BCL2L1: variants seen among roughly 807,000 people sequenced by gnomAD.
BCL2L1 encodes BCL2 like 1.
BCL2L1 carries 1 observed loss-of-function variant against 18.7 expected under a neutral mutation model. The observed-to-expected ratio is 0.05, with a 90% confidence interval of 0.02 to 0.25. The LOEUF is 0.25. Ranked by LOEUF, BCL2L1 falls within the 10% of genes least tolerant of loss-of-function variation. The pLI, the probability that BCL2L1 is intolerant of heterozygous loss-of-function variation, is 1.00. For missense variants in BCL2L1, 207 were observed against 304.9 expected (o/e 0.68, Z 2.39); for synonymous variants, 103 against 122.7 (o/e 0.84, Z 1.06).
intron 2 of BCL2L1, among the ~76,000 whole-genome samples, chr20:31,667,456 A>C (rs952353290): frequency 1.5e-5 from 2 of 130,954 alleles, no homozygotes; most frequent in African/African-American, 5.8e-5. Flanking sequence ...GACTCCGTTC[A>C]AAAAAAAAAA....
chr20:31,707,514 C>T lies in BCL2L1; in HGVS notation c.564+14141G>A, dbSNP rs371924155. On this transcript the variant is annotated intron_variant, in intron 2 of 2. Transcript: ENST00000307677. ...GCGCTGTAGGCCGGGCATGGTGGCT[C>T]ACACCTGTAATCCTAGCAGTTTGGG... Among the ~76,000 whole-genome samples, 382 of 152,254 alleles carry T rather than the reference C, an allele frequency of 2.5e-3. 2 individuals carry two copies. Among genetic ancestry groups the T allele is most frequent in the African/African-American group, 8.5e-3 (353 of 41,540 alleles).
chr20:31,720,433 C>T, intron 2 of BCL2L1: 1 of 677,392 alleles, frequency 1.5e-6, no homozygotes, highest in Non-Finnish European at 1.8e-6. Flanking sequence ...GGGGATAGAA[C>T]ATCTCTCATA....
intron 2 of BCL2L1, among the ~76,000 whole-genome samples, chr20:31,683,838 C>T (rs1299895272): frequency 6.9e-6 from 1 of 145,094 alleles, no homozygotes; most frequent in East Asian, 2.2e-4. Flanking sequence ...CAGGTATCCC[C>T]AGTAGCTAGA....
chr20:31,721,025 AG>A (rs2061616976), intron 2 of BCL2L1: 2 of 967,312 alleles, frequency 2.1e-6, no homozygotes, highest in Admixed American at 6.2e-5. Context: ...AAATGAACTT[AG>A]GGGGCGCAGT....
chr20:31,720,592 C>T (rs1019133111), intron 2 of BCL2L1: 2 of 985,300 alleles, frequency 2.0e-6, no homozygotes, highest in African/African-American at 3.5e-5. Context: ...ACTCTCCCTC[C>T]CTGGAAAGGG....
intron 2 of BCL2L1, among the ~76,000 whole-genome samples, chr20:31,688,493 A>C (rs2061001289): frequency 6.6e-6 from 1 of 151,902 alleles, no homozygotes; most frequent in Non-Finnish European, 1.5e-5. Context: ...AAAGAAAAGA[A>C]AGAAAAAGAA....
intron 2 of BCL2L1, 24 bp downstream of exon 2, chr20:31,721,630 GA>G: frequency 3.2e-6 from 5 of 1,562,776 alleles, no homozygotes; most frequent in South Asian, 2.4e-5. Context: ...AAAGAAAAGG[GA>G]CACACAAGGG....
At chr20:31,713,410 C>A in intron 2 of BCL2L1, 1 of 985,374 alleles carries the variant, frequency 1.0e-6, no homozygotes, top group African/African-American at 1.7e-5. Context: ...GGGCGGACCT[C>A]TAGGGACATT....
intron 2 of BCL2L1, among the ~76,000 whole-genome samples, chr20:31,692,116 C>T (rs2061085190): frequency 6.6e-6 from 1 of 152,232 alleles, no homozygotes; most frequent in South Asian, 2.1e-4. Context: ...AGGGCCCCAA[C>T]CCTGACATAC....
chr20:31,675,651 G>C (rs2060747551), intron 2 of BCL2L1, among the ~76,000 whole-genome samples: 1 of 152,172 alleles, frequency 6.6e-6, no homozygotes, highest in Admixed American at 6.5e-5. Flanking sequence ...AAGCAGCTCA[G>C]TGGAGGCAGG....
chr20:31,714,633 G>A (rs1045671212), intron 2 of BCL2L1, among the ~76,000 whole-genome samples: 2 of 152,184 alleles, frequency 1.3e-5, no homozygotes, highest in Admixed American at 1.3e-4. Flanking sequence ...GGTAAAAGGA[G>A]CTTGCATAGG....
At chr20:31,694,202 A>G (rs931597513) in intron 2 of BCL2L1, among the ~76,000 whole-genome samples, 3 of 152,040 alleles carry the variant, frequency 2.0e-5, no homozygotes, top group Non-Finnish European at 2.9e-5. Context: ...TGGTGACCTG[A>G]TACATGTGAG....
At chr20:31,698,462 CTG>C (rs2061220313) in intron 2 of BCL2L1, among the ~76,000 whole-genome samples, 1 of 152,052 alleles carries the variant, frequency 6.6e-6, no homozygotes. Flanking sequence ...TGTTGAATTC[CTG>C]GGCTCAAGTG....
At chr20:31,694,293 G>A (rs2061132353) in intron 2 of BCL2L1, among the ~76,000 whole-genome samples, 1 of 151,818 alleles carries the variant, frequency 6.6e-6, no homozygotes, top group African/African-American at 2.4e-5. Flanking sequence ...TGGCAGCTTG[G>A]AGCTGGTGAG....
intron 2 of BCL2L1, chr20:31,716,904 C>T (rs2061544913): frequency 6.6e-6 from 1 of 152,130 alleles, no homozygotes; most frequent in African/African-American, 2.4e-5. Flanking sequence ...CAAAAAGACC[C>T]AGTGGGATTG....
intron 2 of BCL2L1, among the ~76,000 whole-genome samples, chr20:31,703,585 G>T (rs746973480): frequency 2.0e-5 from 3 of 150,134 alleles, no homozygotes; most frequent in Non-Finnish European, 4.4e-5. Flanking sequence ...TCCGCCTCCT[G>T]GGTTCAAGTG....
intron 2 of BCL2L1, among the ~76,000 whole-genome samples, chr20:31,693,040 C>T (rs2061105088): frequency 6.8e-6 from 1 of 146,768 alleles, no homozygotes; most frequent in Non-Finnish European, 1.5e-5. Context: ...CATAGCACTC[C>T]AGCCTGGGCG....
At chr20:31,700,424 C>G (rs1171493523) in intron 2 of BCL2L1, among the ~76,000 whole-genome samples, 1 of 152,156 alleles carries the variant, frequency 6.6e-6, no homozygotes, top group Admixed American at 6.5e-5. Context: ...ATTGGGATAC[C>G]AGGGCTGCCA....
chr20:31,692,771 C>T (rs2061097118), intron 2 of BCL2L1, among the ~76,000 whole-genome samples: 1 of 152,116 alleles, frequency 6.6e-6, no homozygotes, highest in Admixed American at 6.5e-5. Flanking sequence ...TAGCCAGGCG[C>T]AGTGGCAGGT....
Sources: allele counts gnomAD v4.1 joint callset (sites outside exome capture counted in the v4.1 genomes callset), GRCh38; gene constraint gnomAD v4.1.1; transcripts MANE v1.5; gene names NCBI Gene and HGNC (gene_info 2026-07-23, HGNC 2026-07-21).